DGKH: variants seen among roughly 807,000 people sequenced by gnomAD.
DGKH encodes the protein DAG kinase eta.
A neutral mutation model predicts 159.3 loss-of-function variants in DGKH; 90 were observed. The observed-to-expected ratio is 0.57, with a 90% confidence interval of 0.48 to 0.67. The LOEUF is 0.67. Among genes scored for constraint, DGKH ranks in the 30% least tolerant of loss-of-function variants. DGKH has a pLI of 0.00. For missense variants in DGKH, 1,181 were observed against 1,506.1 expected, an observed-to-expected ratio of 0.78 and a Z score of 3.57; for synonymous variants, 536 against 553.8, an observed-to-expected ratio of 0.97 and a Z score of 0.45.
chr13:42,053,398 CTGTA>C (rs1216640285), intron 1 of DGKH, among the ~76,000 whole-genome samples: 1 of 146,636 alleles, frequency 6.8e-6, no homozygotes, highest in Non-Finnish European at 1.5e-5. Flanking sequence ...ATATATGTAA[CTGTA>C]TATATATAAC....
chr13:42,198,796 A>G (rs904850187), intron 18 of DGKH, among the ~76,000 whole-genome samples: 1 of 152,114 alleles, frequency 6.6e-6, no homozygotes, highest in Non-Finnish European at 1.5e-5. Flanking sequence ...TGTCCCTGAG[A>G]TAGGTCCTTT....
At chr13:42,178,087 T>C (rs1406406932) in intron 12 of DGKH, 48 bp from the exon 13 acceptor site, 4 of 1,447,412 alleles carry the variant, frequency 2.8e-6, no homozygotes, top group Non-Finnish European at 2.8e-6. Context: ...AAGTGAGTTG[T>C]ATAAATGCCA....
At chr13:42,217,524 TG>T (rs892095322) in intron 26 of DGKH, among the ~76,000 whole-genome samples, 2 of 151,926 alleles carry the variant, frequency 1.3e-5, no homozygotes, top group African/African-American at 4.8e-5. Flanking sequence ...ATTACAGGCA[TG>T]AGCCACTGCG....
At chr13:42,111,217 A>G (rs1276559460) in intron 1 of DGKH, among the ~76,000 whole-genome samples, 1 of 152,252 alleles carries the variant, frequency 6.6e-6, no homozygotes, top group Non-Finnish European at 1.5e-5. Context: ...CGAGAAAATT[A>G]TAAGCCATTG....
intron 1 of DGKH, among the ~76,000 whole-genome samples, chr13:42,103,857 A>G (rs1304579292): frequency 6.6e-6 from 1 of 152,210 alleles, no homozygotes; most frequent in African/African-American, 2.4e-5. Context: ...GGGGAAATGG[A>G]TGTTGGGTAG....
Position 42,256,145 on chromosome 13 carries a change from A to G in DGKH, n.4128-139A>G, listed in dbSNP as rs957380591. The G allele has an allele frequency of 1.0e-5, 12 of 1,181,586 alleles. No individual in the cohort carries two copies. In the African/African-American group the frequency reaches 1.8e-4, roughly 18 times the overall value. The allele number at this position is 1,181,586 out of a possible 1,614,324, so 73.2% of individuals were successfully genotyped here. On this transcript the variant is annotated intron_variant and non_coding_transcript_variant, in intron 30 of 30. Coordinates refer to the DGKH transcript ENST00000498255. ...CCCTACTCAGTGTGAAGCAATGACC[A>G]TGGTTGTAGCCCAAGTCATGGGGAA...
intron 1 of DGKH, among the ~76,000 whole-genome samples, chr13:42,058,281 G>A (rs1019581603): frequency 6.6e-6 from 1 of 152,264 alleles, no homozygotes; most frequent in African/African-American, 2.4e-5. Context: ...TCTCATTGAT[G>A]TTATAATGAA....
At chr13:42,123,292 A>G (rs1955109784) in intron 1 of DGKH, among the ~76,000 whole-genome samples, 1 of 149,710 alleles carries the variant, frequency 6.7e-6, no homozygotes. Context: ...CATATTTTCT[A>G]AAAAAAAAAT....
intron 1 of DGKH, among the ~76,000 whole-genome samples, chr13:42,120,287 T>G (rs1196696531): frequency 2.0e-5 from 3 of 152,216 alleles, no homozygotes; most frequent in African/African-American, 7.2e-5. Flanking sequence ...AATATTTGAA[T>G]TCAAATTAAT....
intron 25 of DGKH, 133 bp downstream of exon 25, chr13:42,214,745 T>C (rs1957746441): frequency 1.6e-6 from 1 of 612,334 alleles, no homozygotes; most frequent in African/African-American, 1.9e-5. Flanking sequence ...AAACCTGCAG[T>C]AAAATCGTGG....
chr13:42,151,546 C>CACGTGTATATATATATAT, intron 3 of DGKH, among the ~76,000 whole-genome samples: 1 of 117,616 alleles, frequency 8.5e-6, no homozygotes, highest in Non-Finnish European at 1.7e-5. Context: ...TATATATATA[C>CACGTGTATATATATATAT]ACGTGTATAT....
At chr13:42,215,502 A>C (rs1566202479) in intron 25 of DGKH, 73 bp from the exon 26 acceptor site, 1 of 1,142,788 alleles carries the variant, frequency 8.8e-7, no homozygotes, top group East Asian at 2.6e-5. Flanking sequence ...ATAAGAATAA[A>C]ATTTAAAGTG....
At chr13:42,219,183 G>GC in intron 26 of DGKH, 47 bp from the exon 27 acceptor site, 1 of 1,608,352 alleles carries the variant, frequency 6.2e-7, no homozygotes, top group African/African-American at 1.3e-5. Context: ...CGTGAGGCTG[G>GC]CCACTGAGTC....
At chr13:42,084,040 G>A (rs994241674) in intron 1 of DGKH, among the ~76,000 whole-genome samples, 1 of 152,034 alleles carries the variant, frequency 6.6e-6, no homozygotes, top group Non-Finnish European at 1.5e-5. Context: ...GCAAATTATG[G>A]TGAAGCCATA....
intron 1 of DGKH, among the ~76,000 whole-genome samples, chr13:42,106,820 G>C (rs117237359): frequency 2.0e-5 from 3 of 152,072 alleles, no homozygotes; most frequent in Non-Finnish European, 4.4e-5. Context: ...GAGGCGGGTG[G>C]ATCACAAGTC....
rs746674188 is a variant in DGKH at position 42,158,692 on chromosome 13, G to A, written c.623-574G>A. 3.2e-4 allele frequency among the ~76,000 whole-genome samples: 49 copies of A among 152,166 alleles called. No individual in the cohort carries two copies. The Middle Eastern group carries it at 0.01, about 32-fold the overall frequency. ...CATAATACTTTCCAAAGATAGGGCC[G>A]TGTTGGTCACCCTCACCAACCTATT... On this transcript the variant is annotated intron_variant, in intron 5 of 29. Transcript: ENST00000337343.
At chr13:42,065,596 T>C (rs1882503600) in intron 1 of DGKH, among the ~76,000 whole-genome samples, 1 of 152,070 alleles carries the variant, frequency 6.6e-6, no homozygotes, top group African/African-American at 2.4e-5. Context: ...TGTGGAGTAA[T>C]TGAGGGTCTG....
chr13:42,177,801 G>A lies in DGKH; in HGVS notation c.1453-334G>A, dbSNP rs148069562. ...CATTTGGATATTTTTATATTTAAAT[G>A]TCTAGTCTTTTGCCCAATTTTTATT... On this transcript the variant is annotated intron_variant, in intron 12 of 29. Transcript: ENST00000337343. 6.3e-3 allele frequency among the ~76,000 whole-genome samples: 961 copies of A among 152,200 alleles called. 11 individuals carry two copies. The highest frequency in any genetic ancestry group is 0.022 in the African/African-American group (919 of 41,502).
At chr13:42,064,579 G>C (rs1882423216) in intron 1 of DGKH, among the ~76,000 whole-genome samples, 1 of 152,176 alleles carries the variant, frequency 6.6e-6, no homozygotes, top group Non-Finnish European at 1.5e-5. Flanking sequence ...GTAACCATGG[G>C]ACTGAGCAGC....
Sources: gnomAD v4.1 joint callset for allele counts (sites outside exome capture counted in the v4.1 genomes callset) on GRCh38, gnomAD v4.1.1 for gene constraint, MANE v1.5 for transcripts, NCBI Gene and HGNC (gene_info 2026-07-23, HGNC 2026-07-21) for gene names.